The following WDFY4 variants were observed in gnomAD, a reference collection of about 807,000 sequenced individuals.
The protein encoded by WDFY4 is WD repeat- and FYVE domain-containing protein 4.
Under a neutral mutation model 351.9 loss-of-function variants are expected in WDFY4, and 169 were observed. The ratio of observed to expected loss-of-function variants is 0.48; its 90% CI spans 0.42 to 0.55. WDFY4 has a LOEUF of 0.55. Among genes scored for constraint, WDFY4 ranks in the 20% least tolerant of loss-of-function variants. The pLI is 0.00. For synonymous variants in WDFY4, 1,622 were observed against 1,574.6 expected (o/e 1.03, Z -0.71); for missense variants, 3,803 against 3,935.6 (o/e 0.97, Z 0.90).
chr10:48,913,544 C>T lies in WDFY4; in HGVS notation c.7586+11681C>T, dbSNP rs754530174. On this transcript the variant is annotated intron_variant, in intron 47 of 61. Coordinates refer to ENST00000325239, the MANE Select transcript of WDFY4 (RefSeq NM_001394531.1). ...TTCTCAGGCAAGCCGCACACAGATC[C>T]TTCTCCTCCACAACATACAAGTTCT... The T allele has an allele frequency of 6.2e-6, 10 of 1,614,000 alleles. No individual in the cohort carries two copies. In the Admixed American group the frequency reaches 1.5e-4, roughly 24 times the overall value.
chr10:48,830,155 C>T (rs994451111), intron 37 of WDFY4, among the ~76,000 whole-genome samples: 6 of 152,140 alleles, frequency 3.9e-5, no homozygotes, highest in African/African-American at 1.4e-4. Context: ...GTTAGATCTG[C>T]TTATACCTGA....
intron 53 of WDFY4, among the ~76,000 whole-genome samples, chr10:48,960,141 A>C (rs1044007427): frequency 5.3e-5 from 8 of 152,234 alleles, no homozygotes; most frequent in African/African-American, 1.9e-4. Context: ...ACTGCTCAGC[A>C]TAGTTCAGAG....
chr10:48,766,571 G>T (rs2132555718), intron 13 of WDFY4, among the ~76,000 whole-genome samples: 1 of 152,264 alleles, frequency 6.6e-6, no homozygotes, highest in East Asian at 1.9e-4. Flanking sequence ...TCCAGCCTGG[G>T]TGACAGAGTG....
chr10:48,920,117 TA>T (rs1695450828), intron 47 of WDFY4, among the ~76,000 whole-genome samples: 1 of 132,470 alleles, frequency 7.5e-6, no homozygotes, highest in African/African-American at 2.7e-5. Flanking sequence ...ATTAACAGAC[TA>T]AAAAGAAAAA....
chr10:48,778,906 C>CCT, intron 18 of WDFY4, 74 bp downstream of exon 18: 2 of 1,490,896 alleles, frequency 1.3e-6, no homozygotes, highest in Non-Finnish European at 1.8e-6. Flanking sequence ...GCTCTCAACA[C>CCT]AGGTGTGGTT....
At chr10:48,799,210 C>G (rs1056068346) in intron 24 of WDFY4, among the ~76,000 whole-genome samples, 11 of 152,032 alleles carry the variant, frequency 7.2e-5, no homozygotes, top group Admixed American at 6.5e-5. Context: ...TTCAGGAGAT[C>G]TGGTGCTTTT....
intron 47 of WDFY4, chr10:48,935,271 C>G (rs371684774): frequency 2.0e-5 from 3 of 152,246 alleles, no homozygotes; most frequent in Non-Finnish European, 4.4e-5. Flanking sequence ...AGTCTTGACA[C>G]CAGCCTGCAA....
chr10:48,743,161 C>G lies in WDFY4; in HGVS notation c.2072C>G (p.Ala691Gly). The change falls in exon 12 of 62, where the codon GCG becomes GGG. Residue 691 changes from alanine (A) to glycine (G), a missense_variant. By Grantham distance (60) the Ala-to-Gly change is moderately conservative. This residue lies in a region of WDFY4 where 3,054 missense variants were observed against 3,148.6 expected (regional missense o/e 0.97). Coordinates refer to ENST00000325239, the MANE Select transcript of WDFY4 (RefSeq NM_001394531.1). ...TACACTCTCTGTGCTGTGTCCGCAG[C>G]GCTGCACTGGGACCCTGTCAATGGC... is the stretch of plus-strand genomic sequence containing the variant. ...VLYTLCAVSA[A>G]LHWDPVNGYF... is the part of the protein sequence containing the mutation. 6.4e-7 allele frequency: 1 copy of G among 1,551,718 alleles called. No individual in the cohort carries two copies. Among genetic ancestry groups the G allele is most frequent in the Non-Finnish European group, 8.7e-7 (1 of 1,147,006 alleles).
At chr10:48,924,358 T>C (rs1025080205) in intron 47 of WDFY4, among the ~76,000 whole-genome samples, 1 of 152,236 alleles carries the variant, frequency 6.6e-6, no homozygotes, top group African/African-American at 2.4e-5. Context: ...GATCTTTTGA[T>C]CATCTGTTTG....
intron 39 of WDFY4, among the ~76,000 whole-genome samples, chr10:48,836,892 C>T (rs1218528409): frequency 6.6e-6 from 1 of 152,140 alleles, no homozygotes; most frequent in African/African-American, 2.4e-5. Context: ...GCCAGCTCCC[C>T]TCTTCACAGC....
In WDFY4 at chr10:48,729,465, G is replaced by T. The variant is rs373608510; in HGVS notation, c.1005G>T (p.Pro335=). ...GGCTGACCCAGAGCGAAGTGGACCC[G>T]CATCTGGAGGAGCTCCTTGGGCTGG... is the stretch of plus-strand genomic sequence containing the variant. ...YDGLTQSEVD[P]HLEELLGLVV... is the part of the protein sequence containing the mutation. The change falls in exon 8 of 62, where the codon CCG becomes CCT. Residue 335 remains proline, a synonymous_variant. Transcript: ENST00000325239. The T allele has an allele frequency of 1.9e-6, 3 of 1,551,490 alleles. No individual in the cohort carries two copies. The highest frequency in any genetic ancestry group is 3.9e-5 in the Admixed American group (2 of 51,016).
chr10:48,824,884 G>C (rs533047080), intron 35 of WDFY4, among the ~76,000 whole-genome samples: 44 of 152,254 alleles, frequency 2.9e-4, no homozygotes, highest in African/African-American at 9.6e-4. Context: ...GTCCTCAAGA[G>C]ATCTTCTTAT....
chr10:48,783,715 T>C (rs2066302221), intron 19 of WDFY4, among the ~76,000 whole-genome samples: 1 of 152,218 alleles, frequency 6.6e-6, no homozygotes, highest in South Asian at 2.1e-4. Flanking sequence ...GTATACTGCT[T>C]AGTTCATTTA....
At chr10:48,829,282 A>G (rs1200815673) in intron 37 of WDFY4, among the ~76,000 whole-genome samples, 5 of 152,190 alleles carry the variant, frequency 3.3e-5, no homozygotes, top group African/African-American at 7.2e-5. Context: ...TCAAGCCATT[A>G]CCTAGTTGCT....
At chr10:48,700,394 A>G (rs2063446260) in intron 1 of WDFY4, among the ~76,000 whole-genome samples, 1 of 152,184 alleles carries the variant, frequency 6.6e-6, no homozygotes, top group South Asian at 2.1e-4. Context: ...ATGTCCTCCA[A>G]GCTACTTCTA....
chr10:48,849,046 G>A (rs1435116584), intron 39 of WDFY4, among the ~76,000 whole-genome samples: 1 of 152,154 alleles, frequency 6.6e-6, no homozygotes, highest in South Asian at 2.1e-4. Flanking sequence ...CATGCATGGG[G>A]GATCCCCTGA....
At chr10:48,898,531 T>C (rs1442730555) in intron 45 of WDFY4, among the ~76,000 whole-genome samples, 1 of 152,214 alleles carries the variant, frequency 6.6e-6, no homozygotes, top group Non-Finnish European at 1.5e-5. Context: ...ATCTATTTTC[T>C]GTACGTAGGT....
At chr10:48,913,523 C>T (rs895745775) in intron 47 of WDFY4, 2 of 1,614,062 alleles carry the variant, frequency 1.2e-6, no homozygotes, top group East Asian at 2.2e-5. Context: ...GGCATTTTCT[C>T]AGGCAAGCCG....
chr10:48,739,958 G>C (rs1247750286), intron 11 of WDFY4, among the ~76,000 whole-genome samples: 1 of 152,124 alleles, frequency 6.6e-6, no homozygotes, highest in Non-Finnish European at 1.5e-5. Flanking sequence ...TTCCTTGGGG[G>C]AAGAGGGGTT....
Sources: gnomAD v4.1 joint callset for allele counts (sites outside exome capture counted in the v4.1 genomes callset) on GRCh38, gnomAD v4.1.1 for gene constraint, gnomAD v4.1.1 regional missense constraint, MANE v1.5 for transcripts, NCBI Gene and HGNC (gene_info 2026-07-23, HGNC 2026-07-21) for gene names.